Variants in CAPS2 observed in about 807,000 individuals in gnomAD.
The protein encoded by CAPS2 is calcyphosin-2.
Under a neutral mutation model 86.5 loss-of-function variants are expected in CAPS2, and 98 were observed. The ratio of observed to expected loss-of-function variants is 1.13; its 90% CI spans 0.96 to 1.34. The LOEUF is 1.34. Among genes scored for constraint, CAPS2 ranks in the 40% most tolerant of loss-of-function variants. The pLI, the probability that CAPS2 is intolerant of heterozygous loss-of-function variation, is 0.00. For synonymous variants in CAPS2, 210 were observed against 225.1 expected (o/e 0.93, Z 0.60); for missense variants, 729 against 686.8 (o/e 1.06, Z -0.69).
chr12:75,332,530 C>T (rs577918553), upstream of CAPS2, among the ~76,000 whole-genome samples: 1 of 152,270 alleles, frequency 6.6e-6, no homozygotes, highest in African/African-American at 2.4e-5. Flanking sequence ...GCTTACCCAG[C>T]ATTTCCTTTT....
At chr12:75,318,041 T>C (rs1160343126) in intron 5 of CAPS2, 7 of 152,106 alleles carry the variant, frequency 4.6e-5, no homozygotes, top group African/African-American at 1.7e-4. Context: ...TACTCTCTGC[T>C]TCTGTGGGTT....
exon 17 of CAPS2, chr12:75,279,055 T>C: frequency 6.3e-7 from 1 of 1,592,388 alleles, no homozygotes; most frequent in Non-Finnish European, 8.5e-7. Context: ...TTTCTTCCTC[T>C]GTTGAATGGC....
chr12:75,357,334 A>G (rs2139524749), intron 1 of CAPS2, among the ~76,000 whole-genome samples: 1 of 152,338 alleles, frequency 6.6e-6, no homozygotes, highest in East Asian at 1.9e-4. Context: ...CTACATGTTA[A>G]GCAGCTAAAA....
At chr12:75,316,411 G>T in exon 6 of CAPS2, 1 of 1,549,786 alleles carries the variant, frequency 6.5e-7, no homozygotes, top group Non-Finnish European at 8.7e-7. Context: ...GGTCATCTGT[G>T]TTGGCTTCTT....
chr12:75,282,150 C>A, intron 16 of CAPS2, 101 bp downstream of exon 16: 4 of 709,002 alleles, frequency 5.6e-6, no homozygotes, highest in Non-Finnish European at 9.9e-6. Context: ...AGTTTATTTC[C>A]TCCCTAATGG....
chr12:75,368,065 T>C (rs1028064970), intron 1 of CAPS2, among the ~76,000 whole-genome samples: 1 of 152,070 alleles, frequency 6.6e-6, no homozygotes, highest in African/African-American at 2.4e-5. Context: ...CCTTTTAATG[T>C]CTTAATATTG....
upstream of CAPS2, among the ~76,000 whole-genome samples, chr12:75,333,445 T>TATACACACACACAC: frequency 6.6e-6 from 1 of 151,662 alleles, no homozygotes; most frequent in African/African-American, 2.4e-5. Context: ...CACACACACA[T>TATACACACACACAC]ATACACACAC....
At chr12:75,291,155 A>G (rs10785183) in intron 13 of CAPS2, among the ~76,000 whole-genome samples, 87,720 of 151,220 alleles carry the variant, frequency 0.58, 25,764 homozygotes, top group South Asian at 0.75. Context: ...TATCATCCCT[A>G]TTTTAGAGAT....
intron 1 of CAPS2, chr12:75,370,218 A>G: frequency 9.6e-7 from 1 of 1,042,870 alleles, no homozygotes; most frequent in South Asian, 1.3e-5. Context: ...GTTAAAATAA[A>G]GGAATAGTTT....
downstream of CAPS2, chr12:75,277,142 A>G: frequency 2.0e-6 from 2 of 983,862 alleles, no homozygotes; most frequent in South Asian, 9.4e-5. Flanking sequence ...TGCTTATGTT[A>G]GGAAGATTAA....
chr12:75,358,971 A>C (rs75009372), intron 1 of CAPS2, among the ~76,000 whole-genome samples: 7,990 of 144,708 alleles, frequency 0.055, 365 homozygotes, highest in African/African-American at 0.12. Context: ...CTGCATAAAA[A>C]AGATAGAACA....
chr12:75,320,636 AT>A (rs1197998872), intron 5 of CAPS2, among the ~76,000 whole-genome samples: 1 of 152,044 alleles, frequency 6.6e-6, no homozygotes, highest in Non-Finnish European at 1.5e-5. Context: ...TAAATTTATT[AT>A]TATTTACCTA....
intron 1 of CAPS2, chr12:75,366,897 G>T (rs1222571078): frequency 1.4e-6 from 1 of 701,388 alleles, no homozygotes; most frequent in East Asian, 2.7e-5. Context: ...TCCCTGTAGG[G>T]CCACTGCATG....
intron 1 of CAPS2, among the ~76,000 whole-genome samples, chr12:75,358,515 G>C (rs144932432): frequency 6.0e-5 from 9 of 150,854 alleles, no homozygotes; most frequent in Non-Finnish European, 1.3e-4. Context: ...CCTGATGAAG[G>C]CTCCTAACAA....
chr12:75,386,423 T>C (rs1015145103), intron 1 of CAPS2, among the ~76,000 whole-genome samples: 7 of 152,156 alleles, frequency 4.6e-5, no homozygotes, highest in African/African-American at 1.7e-4. Context: ...TGTCATCTGA[T>C]GGCAGGAGTT....
chr12:75,279,315 T>C (rs896171586), intron 16 of CAPS2, among the ~76,000 whole-genome samples: 47 of 151,980 alleles, frequency 3.1e-4, no homozygotes, highest in Admixed American at 9.9e-4. Context: ...ACAGTTTTTT[T>C]GATCATAAAT....
At chr12:75,304,176 T>C (rs2038156837) in intron 8 of CAPS2, among the ~76,000 whole-genome samples, 3 of 152,042 alleles carry the variant, frequency 2.0e-5, no homozygotes, top group Admixed American at 6.6e-5. Context: ...AAAATAAGAA[T>C]GGGACAAAAC....
intron 1 of CAPS2, chr12:75,347,844 C>T: frequency 6.9e-6 from 3 of 436,950 alleles, no homozygotes; most frequent in Non-Finnish European, 1.2e-5. Context: ...CTCTACAATG[C>T]TAATCAAATG....
At chr12:75,369,659 T>C (rs2044227605) in intron 1 of CAPS2, 1 of 984,564 alleles carries the variant, frequency 1.0e-6, no homozygotes, top group Non-Finnish European at 1.2e-6. Context: ...GGGACGTGAA[T>C]TGGGAATGAA....
Sources: gnomAD v4.1 joint callset for allele counts (sites outside exome capture counted in the v4.1 genomes callset) on GRCh38, gnomAD v4.1.1 for gene constraint, MANE v1.5 for transcripts, NCBI Gene and HGNC (gene_info 2026-07-23, HGNC 2026-07-21) for gene names.